CLUH: variants seen among roughly 807,000 people sequenced by gnomAD.
CLUH encodes clustered mitochondria protein homolog.
CLUH carries 77 observed loss-of-function variants against 139.3 expected under a neutral mutation model. That is an observed-to-expected ratio of 0.55 (90% CI 0.46 to 0.67). The LOEUF (loss-of-function observed/expected upper bound fraction) is 0.67, where lower values mean the gene tolerates loss of function less well. Among genes scored for constraint, CLUH ranks in the 30% least tolerant of loss-of-function variants. The probability of loss-of-function intolerance (pLI) is 0.00; values close to 1 mark genes in which losing one functional copy is unlikely to be tolerated. For synonymous variants in CLUH, 999 were observed against 801.6 expected (o/e 1.25, Z -4.16); for missense variants, 1,876 against 1,875.8 (o/e 1.00, Z 0.00).
Position 2,701,153 on chromosome 17 carries a change from G to A in CLUH, c.1012C>T (p.Leu338=). Residue 338 remains leucine, a synonymous_variant, in exon 7 of 26, where the codon CTG becomes TTG. Coordinates refer to ENST00000651024, the MANE Select transcript of CLUH (RefSeq NM_001366661.1). ...SPTFKKNFAV[L]QKKRVQRHPF... ...CAAAGGCACTACCTTTTCTTCTGCA[G>A]CACAGCGAAGTTCTTCTTGAAGGTC... 6.2e-7 allele frequency: 1 copy of A among 1,613,974 alleles called. No individual in the cohort carries two copies. The highest frequency in any genetic ancestry group is 8.5e-7 in the Non-Finnish European group (1 of 1,179,900).
intron 1 of CLUH, among the ~76,000 whole-genome samples, chr17:2,708,330 C>T (rs528238097): frequency 1.3e-5 from 2 of 152,196 alleles, no homozygotes; most frequent in African/African-American, 4.8e-5. Context: ...CTCCTACCCT[C>T]TCCTGAAATA....
In CLUH at chr17:2,703,376, G is replaced by A. The variant is rs1438970523; in HGVS notation, c.417C>T (p.Phe139=). Residue 139 remains phenylalanine, a synonymous_variant, in exon 3 of 26, where the codon TTC becomes TTT. Transcript: ENST00000651024. This position sits in a 1 kb window ranked among gnomAD's most constrained non-coding sequence, Gnocchi z 4.2. ...GCCCCTCGACGCTGCGCAGCTCCGA[G>A]AAGTGGTCCAGCACGTTGCCATCCA... The part of the protein sequence containing the change: ...LHLDGNVLDH[F]SELRSVEGLQ... 6.2e-7 allele frequency: 1 copy of A among 1,613,544 alleles called. No homozygotes were observed. Among genetic ancestry groups the A allele is most frequent in the Admixed American group, 1.7e-5 (1 of 59,964 alleles).
At chr17:2,711,534 G>C in intron 1 of CLUH, 28 bp downstream of exon 1, 1 of 377,956 alleles carries the variant, frequency 2.6e-6, no homozygotes, top group Non-Finnish European at 3.6e-6. Flanking sequence ...CCCCCGCCCA[G>C]CGGCCCGCTG....
rs1448875551 is a variant in CLUH, at chr17:2,695,021, G to T, written c.2688C>A (p.Ala896=). The T allele has an allele frequency of 6.2e-7, 1 of 1,613,586 alleles. No individual in the cohort carries two copies. Among genetic ancestry groups the T allele is most frequent in the Admixed American group, 1.7e-5 (1 of 59,964 alleles). ...AGACCAGCTCGTCGGCGGGCAGGTGGGCCACGGGGTTTGGGTAGGAGCTCA... is the reference window on the plus strand; with the variant it reads ...AGACCAGCTCGTCGGCGGGCAGGTGTGCCACGGGGTTTGGGTAGGAGCTCA... The part of the protein sequence containing the change: ...CFLSSYPNPV[A]HLPADELVSK... Residue 896 remains alanine (A), a synonymous_variant, in exon 16 of 26, where the codon GCC becomes GCA. Transcript: ENST00000651024.
Position 2,698,213 on chromosome 17 carries a change from G to C in CLUH, c.1644C>G (p.Thr548=), listed in dbSNP as rs759921686. The change falls in exon 10 of 26, where the codon ACC becomes ACG. Residue 548 remains threonine, a synonymous_variant. Transcript: ENST00000651024. ...CCAGGTACCGCGGGTGTGACACCAC[G>C]GTCTTGCCGAAGTCGATGGAGCCGT... ...VIYGSIDFGK[T]VVSHPRYLEL... The C allele has an allele frequency of 3.3e-5, 52 of 1,582,848 alleles. No individual in the cohort carries two copies. Among genetic ancestry groups the C allele is most frequent in the Non-Finnish European group, 4.3e-5 (50 of 1,165,550 alleles).
In CLUH at chr17:2,701,642, G is replaced by A. The variant is rs1378362177; in HGVS notation, c.715C>T (p.Pro239Ser). Residue 239 changes from proline (P) to serine (S), a missense_variant, in exon 5 of 26, where the codon CCC becomes TCC. This residue lies in a region of CLUH where 270 missense variants were observed against 354.7 expected (regional missense o/e 0.76). Transcript: ENST00000651024. ...LPGSRERPLCPLQPQNRDWKP... is the reference protein window; with the variant it reads ...LPGSRERPLCSLQPQNRDWKP... ...CAGTCACGGTTTTGGGGCTGCAGGGGACACAGTGGCCGCTCCCGGCTCCCT... is the reference window on the plus strand; with the variant it reads ...CAGTCACGGTTTTGGGGCTGCAGGGAACACAGTGGCCGCTCCCGGCTCCCT... The A allele has an allele frequency of 1.2e-6, 2 of 1,606,870 alleles. No homozygotes were observed. The highest frequency in any genetic ancestry group is 1.1e-5 in the South Asian group (1 of 89,794).
Position 2,694,822 on chromosome 17 carries a change from TCCCACCCAC to T in CLUH, c.2852+26_2852+34del, listed in dbSNP as rs569590987. ...GGTGGTGGCCGCCTCATCTGCCCAA[TCCCACCCAC>T]CCCACCGCCCCTGCCCCGCACGCAC... On this transcript the variant is annotated intron_variant, in intron 16 of 25. Coordinates refer to ENST00000651024, the MANE Select transcript of CLUH (RefSeq NM_001366661.1). 2.5e-4 allele frequency: 338 copies of T among 1,346,316 alleles called. 1 individual carries two copies. In the African/African-American group the frequency reaches 4.5e-3, roughly 18 times the overall value. The allele number at this position is 1,346,316 out of a possible 1,614,324, so 83.4% of individuals were successfully genotyped here.
rs1445733349 is a variant in CLUH, at chr17:2,704,390, G to A, written c.275C>T (p.Ala92Val). 2 of 1,611,706 alleles carry A rather than the reference G, an allele frequency of 1.2e-6. No individual in the cohort carries two copies. Among genetic ancestry groups the A allele is most frequent in the East Asian group, 2.2e-5 (1 of 44,754 alleles). Reference sequence around the variant, plus strand: ...CAGGGAGAAGGGCTCGATCCCAGGGGCGAGGATCTTCACAGAAAAGCCCGT... The same window carrying A: ...CAGGGAGAAGGGCTCGATCCCAGGGACGAGGATCTTCACAGAAAAGCCCGT... ...QDTGFSVKIL[A>V]PGIEPFSLQV... The change falls in exon 2 of 26, where the codon GCC (alanine) becomes GTC (valine). Residue 92 changes from alanine (A) to valine (V), a missense_variant. This residue lies in a region of CLUH where 152 missense variants were observed against 136.7 expected (regional missense o/e 1.11). Transcript: ENST00000651024. This position sits in a 1 kb window ranked among gnomAD's most constrained non-coding sequence, Gnocchi z 5.7.
Position 2,704,371 on chromosome 17 carries a change from G to A in CLUH, c.294C>T (p.Phe98=), listed in dbSNP as rs1246142527. 12 of 1,610,438 alleles carry A rather than the reference G, an allele frequency of 7.5e-6. No individual in the cohort carries two copies. Among genetic ancestry groups the A allele is most frequent in the Admixed American group, 6.7e-5 (4 of 59,646 alleles). The part of the protein sequence containing the change: ...VKILAPGIEP[F]SLQVSPQEMV... The stretch of plus-strand genomic sequence containing the variant: ...CGTTCCTCCATCTTACCTGCAGGGA[G>A]AAGGGCTCGATCCCAGGGGCGAGGA... The change falls in exon 2 of 26, where the codon TTC becomes TTT. Residue 98 remains phenylalanine (F), a synonymous_variant. Coordinates refer to ENST00000651024, the MANE Select transcript of CLUH (RefSeq NM_001366661.1). The surrounding 1 kb of genome is among the most constrained non-coding windows in gnomAD (Gnocchi z 5.7).
rs769193690 is a variant in CLUH at position 2,701,904 on chromosome 17, C to T, written c.619+10G>A. On this transcript the variant is annotated intron_variant, in intron 4 of 25. Coordinates refer to ENST00000651024, the MANE Select transcript of CLUH (RefSeq NM_001366661.1). ...TTTGGCCCAATCCCCGGCCCCAGTG[C>T]CTCCCGCACCTCCCAGGTCGCCGTC... 8.7e-6 allele frequency: 14 copies of T among 1,613,318 alleles called. No individual in the cohort carries two copies. Among genetic ancestry groups the T allele is most frequent in the Non-Finnish European group, 1.2e-5 (14 of 1,179,888 alleles).
rs1476177281 is a variant in CLUH at position 2,692,106 on chromosome 17, A to T, written c.3561-9T>A. 6.9e-6 allele frequency: 11 copies of T among 1,595,410 alleles called. No individual in the cohort carries two copies. The highest frequency in any genetic ancestry group is 1.3e-5 in the African/African-American group (1 of 74,430). ...GGGCGACAAGGTGGTGGCTGCCGGG[A>T]GGCGCGGCGCGGGGCGAGGGAAGGG... On this transcript the variant is annotated splice_polypyrimidine_tract_variant and intron_variant, in intron 22 of 25. Coordinates refer to ENST00000651024, the MANE Select transcript of CLUH (RefSeq NM_001366661.1).
intron 22 of CLUH, 56 bp downstream of exon 22, chr17:2,692,305 G>A (rs2151692837): frequency 2.7e-6 from 4 of 1,482,414 alleles, no homozygotes; most frequent in Admixed American, 2.3e-5. Flanking sequence ...CCCCGCCCCC[G>A]CCGGCTGCCC....
Position 2,693,938 on chromosome 17 carries a change from G to C in CLUH, c.3193C>G (p.Leu1065Val), listed in dbSNP as rs570125559. The change falls in exon 19 of 26, where the codon CTC (leucine) becomes GTC (valine). Residue 1065 changes from leucine to valine, a missense_variant. Physicochemically the swap from Leu to Val is conservative, Grantham distance 32. Around this residue, in one of 3 missense-constraint regions of CLUH, gnomAD observed 1,454 missense variants for 1,384.4 expected, o/e 1.05. Transcript: ENST00000651024. ...CCCATGATGTAGTGGAGGCGGGCGA[G>C]GAGGCGCAGGCAGGCGCAGGTCTCC... ...HVETCACLRLLARLHYIMGDY... is the reference protein window; with the variant it reads ...HVETCACLRLVARLHYIMGDY... The C allele has an allele frequency of 1.2e-6, 2 of 1,613,762 alleles. No individual in the cohort carries two copies. Among genetic ancestry groups the C allele is most frequent in the Non-Finnish European group, 1.7e-6 (2 of 1,179,824 alleles).
intron 16 of CLUH, 31 bp downstream of exon 16, chr17:2,694,826 A>ACCACCCCCCCCCCC: frequency 1.3e-6 from 1 of 796,178 alleles, no homozygotes; most frequent in Non-Finnish European, 1.8e-6. Context: ...GCCCAATCCC[A>ACCACCCCCCCCCCC]CCCACCCCAC....
chr17:2,700,801 C>A lies in CLUH; in HGVS notation c.1050G>T (p.Arg350Ser). ...KKRVQRHPFERIATPFQVYSW... is the reference protein window; with the variant it reads ...KKRVQRHPFESIATPFQVYSW... ...TGTACACCTGGAATGGGGTGGCGATCCTCTCGAACGGGTGGCGCTGGACCC... is the reference window on the plus strand; with the variant it reads ...TGTACACCTGGAATGGGGTGGCGATACTCTCGAACGGGTGGCGCTGGACCC... The change falls in exon 8 of 26, where the codon AGG (arginine) becomes AGT (serine). Residue 350 changes from arginine (R) to serine (S), a missense_variant. Physicochemically the swap from Arg to Ser is moderately radical, Grantham distance 110. Around this residue, in one of 3 missense-constraint regions of CLUH, gnomAD observed 270 missense variants for 354.7 expected, o/e 0.76. Coordinates refer to ENST00000651024, the MANE Select transcript of CLUH (RefSeq NM_001366661.1). 2 of 1,528,878 alleles carry A rather than the reference C, an allele frequency of 1.3e-6. No homozygotes were observed. Among genetic ancestry groups the A allele is most frequent in the Non-Finnish European group, 1.7e-6 (2 of 1,143,630 alleles). The allele number at this position is 1,528,878 out of a possible 1,614,324, so 94.7% of individuals were successfully genotyped here. A position where few individuals can be genotyped will look rare whatever the true frequency, so the allele number is the denominator to read the frequency against.
chr17:2,696,680 C>G, intron 11 of CLUH, 39 bp downstream of exon 11: 1 of 1,603,458 alleles, frequency 6.2e-7, no homozygotes, highest in Non-Finnish European at 8.5e-7. Flanking sequence ...CTGGCAGGGC[C>G]AGCCCGGGCT....
chr17:2,708,764 C>G (rs958177021), intron 1 of CLUH, among the ~76,000 whole-genome samples: 1 of 152,030 alleles, frequency 6.6e-6, no homozygotes, highest in Non-Finnish European at 1.5e-5. Context: ...CTGACCCACT[C>G]CCACTCAGCG....
Position 2,695,469 on chromosome 17 carries a change from C to A in CLUH, c.2449G>T (p.Val817Leu). The A allele has an allele frequency of 6.2e-7, 1 of 1,610,888 alleles. No individual in the cohort carries two copies. Residue 817 changes from valine (V) to leucine (L), a missense_variant, in exon 14 of 26, where the codon GTG becomes TTG. Transcript: ENST00000651024. ...LPVDGATLAEVMRQRGINMRY... is the reference protein window; with the variant it reads ...LPVDGATLAELMRQRGINMRY... ...ATGTTGATGCCCCGCTGGCGCATCACCTCTGCCAGCGTTGCCCCGTCCACG... is the reference window on the plus strand; with the variant it reads ...ATGTTGATGCCCCGCTGGCGCATCAACTCTGCCAGCGTTGCCCCGTCCACG...
Position 2,692,768 on chromosome 17 carries a change from C to T in CLUH, c.3312+12G>A. The T allele has an allele frequency of 6.2e-7, 1 of 1,600,358 alleles. No homozygotes were observed. Among genetic ancestry groups the T allele is most frequent in the Non-Finnish European group, 8.5e-7 (1 of 1,170,844 alleles). ...CTCGCATCCCCCGGCGCGGGCGGCA[C>T]TCGCGACTCACGTATTCCTGGATGG... On this transcript the variant is annotated intron_variant, in intron 20 of 25. Coordinates refer to ENST00000651024, the MANE Select transcript of CLUH (RefSeq NM_001366661.1).
Sources: gnomAD v4.1 joint callset for allele counts (sites outside exome capture counted in the v4.1 genomes callset) on GRCh38, gnomAD v4.1.1 for gene constraint, gnomAD v4.1.1 regional missense constraint, Gnocchi (gnomAD v3.1) non-coding constraint, MANE v1.5 for transcripts, NCBI Gene and HGNC (gene_info 2026-07-23, HGNC 2026-07-21) for gene names.